Variants in DLG2 observed in about 807,000 individuals in gnomAD.
The protein encoded by DLG2 is disks large homolog 2.
In DLG2, 45 loss-of-function variants were observed where a neutral mutation model predicts 132.5. The observed-to-expected ratio is 0.34, with a 90% confidence interval of 0.27 to 0.44. The LOEUF is 0.44. Among genes scored for constraint, DLG2 ranks in the 20% least tolerant of loss-of-function variants. The pLI, the probability that DLG2 is intolerant of heterozygous loss-of-function variation, is 1.00. For missense variants in DLG2, 1,045 were observed against 1,196.9 expected (o/e 0.87, Z 1.87); for synonymous variants, 424 against 419.6 (o/e 1.01, Z -0.13).
intron 6 of DLG2, among the ~76,000 whole-genome samples, chr11:84,853,007 C>G (rs1158589344): frequency 1.3e-5 from 2 of 151,976 alleles, no homozygotes; most frequent in Non-Finnish European, 2.9e-5. Context: ...ATTTATTTTG[C>G]ACCTACTATG....
chr11:84,927,484 A>C (rs548905671), intron 6 of DLG2, among the ~76,000 whole-genome samples: 10 of 151,990 alleles, frequency 6.6e-5, no homozygotes, highest in Non-Finnish European at 1.3e-4. Context: ...TCCAGCTAGG[A>C]TTGAGAATTA....
intron 18 of DLG2, among the ~76,000 whole-genome samples, chr11:83,671,134 T>G (rs1451189434): frequency 1.3e-5 from 2 of 152,246 alleles, no homozygotes; most frequent in Non-Finnish European, 2.9e-5. Flanking sequence ...CTAAATGGGT[T>G]TGGTACAATG....
intron 7 of DLG2, among the ~76,000 whole-genome samples, chr11:84,507,272 C>T (rs998814942): frequency 1.3e-5 from 2 of 152,118 alleles, no homozygotes; most frequent in Non-Finnish European, 2.9e-5. Flanking sequence ...CATAAATTAG[C>T]AGTCACAGTT....
chr11:84,313,546 A>AGGGAGGG (rs1567259312), intron 7 of DLG2, among the ~76,000 whole-genome samples: 1 of 44,158 alleles, frequency 2.3e-5, no homozygotes, highest in African/African-American at 9.0e-5. Flanking sequence ...GGAAGGAAGG[A>AGGGAGGG]AGGGAGGGAG....
chr11:84,339,042 A>G (rs779083096), intron 7 of DLG2, among the ~76,000 whole-genome samples: 3 of 152,182 alleles, frequency 2.0e-5, no homozygotes, highest in Admixed American at 2.0e-4. Context: ...TATTTCATTA[A>G]ATATTCAAGA....
chr11:83,684,755 A>G (rs1196216195), intron 18 of DLG2, among the ~76,000 whole-genome samples: 2 of 152,034 alleles, frequency 1.3e-5, no homozygotes, highest in African/African-American at 2.4e-5. Flanking sequence ...TTTAGCCCCC[A>G]AATCCCCTCA....
chr11:84,801,309 C>T (rs1392836987), intron 6 of DLG2, among the ~76,000 whole-genome samples: 1 of 152,188 alleles, frequency 6.6e-6, no homozygotes, highest in African/African-American at 2.4e-5. Flanking sequence ...CCATGACTCA[C>T]GCCTGTATTC....
chr11:85,517,770 G>T lies in DLG2; in HGVS notation c.40+80887C>A, dbSNP rs933223607. 2.0e-4 allele frequency among the ~76,000 whole-genome samples: 31 copies of T among 152,056 alleles called. 1 individual carries two copies. The highest frequency in any genetic ancestry group is 7.5e-4 in the African/African-American group (31 of 41,410). On this transcript the variant is annotated intron_variant, in intron 3 of 27. Coordinates refer to ENST00000376104, the MANE Select transcript of DLG2 (RefSeq NM_001142699.3). ...ACATGCCACCATACCTGGTGACATG[G>T]CTTGGCTGTGTCCCCACCCAAATCT...
chr11:85,085,824 T>G (rs979747422), intron 6 of DLG2, among the ~76,000 whole-genome samples: 1 of 152,162 alleles, frequency 6.6e-6, no homozygotes, highest in African/African-American at 2.4e-5. Flanking sequence ...ACTCACTACA[T>G]TGCCTTCCTA....
chr11:84,514,122 A>C (rs1313118821), intron 7 of DLG2, among the ~76,000 whole-genome samples: 1 of 152,144 alleles, frequency 6.6e-6, no homozygotes, highest in African/African-American at 2.4e-5. Context: ...AGAGAAATGC[A>C]AGTCAAAACT....
chr11:85,238,509 G>A (rs1293003734), intron 4 of DLG2, among the ~76,000 whole-genome samples: 2 of 151,998 alleles, frequency 1.3e-5, no homozygotes, highest in African/African-American at 4.8e-5. Context: ...CTCCCAAAGT[G>A]CTGGGATTAC....
At chr11:83,848,522 A>G (rs933015072) in intron 16 of DLG2, among the ~76,000 whole-genome samples, 1 of 152,096 alleles carries the variant, frequency 6.6e-6, no homozygotes, top group Non-Finnish European at 1.5e-5. Context: ...CCAATTTTCA[A>G]ATCAGAAACT....
At chr11:85,202,156 AC>A (rs1392779922) in intron 4 of DLG2, among the ~76,000 whole-genome samples, 1 of 151,756 alleles carries the variant, frequency 6.6e-6, no homozygotes, top group African/African-American at 2.4e-5. Flanking sequence ...AAAAAAAAAA[AC>A]CCAAAACTTT....
At chr11:83,589,159 G>A (rs1483225105) in intron 19 of DLG2, among the ~76,000 whole-genome samples, 7 of 150,848 alleles carry the variant, frequency 4.6e-5, no homozygotes, top group South Asian at 2.1e-4. Context: ...GATACTCCTC[G>A]AGAAGAGCAA....
intron 21 of DLG2, chr11:83,486,033 A>G (rs907515020): frequency 9.3e-6 from 4 of 428,634 alleles, no homozygotes; most frequent in Non-Finnish European, 1.6e-5. Context: ...GAGGGAAAAG[A>G]GGTATCACTT....
chr11:83,594,557 C>T (rs1368647449), intron 19 of DLG2, among the ~76,000 whole-genome samples: 2 of 152,016 alleles, frequency 1.3e-5, no homozygotes, highest in Non-Finnish European at 2.9e-5. Flanking sequence ...GCTGTATTGT[C>T]GTACATTGAA....
intron 3 of DLG2, among the ~76,000 whole-genome samples, chr11:85,469,070 A>G (rs73503524): frequency 0.01 from 1,574 of 152,292 alleles, 27 homozygotes; most frequent in African/African-American, 0.036. Context: ...AATGGAACCT[A>G]GATTCTTCCA....
At chr11:84,708,546 T>A (rs1476729385) in intron 6 of DLG2, among the ~76,000 whole-genome samples, 1 of 151,788 alleles carries the variant, frequency 6.6e-6, no homozygotes, top group Non-Finnish European at 1.5e-5. Context: ...ATTTTTTTTT[T>A]CTTTGCAAAC....
intron 7 of DLG2, among the ~76,000 whole-genome samples, chr11:84,258,299 C>G (rs1222258247): frequency 6.6e-6 from 1 of 152,094 alleles, no homozygotes; most frequent in Non-Finnish European, 1.5e-5. Context: ...CAAATATATT[C>G]TAGAATCATA....
Sources: gnomAD v4.1 joint callset for allele counts (sites outside exome capture counted in the v4.1 genomes callset) on GRCh38, gnomAD v4.1.1 for gene constraint, MANE v1.5 for transcripts, NCBI Gene and HGNC (gene_info 2026-07-23, HGNC 2026-07-21) for gene names.